The following UBE2D3 variants were observed in gnomAD, a reference collection of about 807,000 sequenced individuals.
The protein encoded by UBE2D3 is ubiquitin conjugating enzyme E2 D3.
A neutral mutation model predicts 22.8 loss-of-function variants in UBE2D3; 2 were observed. The ratio of observed to expected loss-of-function variants is 0.09; its 90% confidence interval spans 0.04 to 0.28. The LOEUF (loss-of-function observed/expected upper bound fraction) is 0.28, where lower values mean the gene tolerates loss of function less well. Among genes scored for constraint, UBE2D3 ranks in the 10% least tolerant of loss-of-function variants. The pLI is 1.00. For missense variants in UBE2D3, 27 were observed against 182.5 expected (o/e 0.15, Z 4.91); for synonymous variants, 56 against 60.4 (o/e 0.93, Z 0.34).
At chr4:102,811,120 C>T (rs1727934038) in intron 2 of UBE2D3, 1 of 152,234 alleles carries the variant, frequency 6.6e-6, no homozygotes, top group African/African-American at 2.4e-5. Flanking sequence ...GAGGCAAAGA[C>T]AGGGATCGCT....
chr4:102,830,845 T>G (rs181726664), upstream of UBE2D3, among the ~76,000 whole-genome samples: 127 of 152,294 alleles, frequency 8.3e-4, no homozygotes, highest in African/African-American at 2.8e-3. Flanking sequence ...AAGCCTGTGA[T>G]GGAGCAAGAC....
chr4:102,853,793 AG>A (rs1732499941), intron 1 of UBE2D3, among the ~76,000 whole-genome samples: 1 of 152,210 alleles, frequency 6.6e-6, no homozygotes, highest in East Asian at 1.9e-4. Context: ...CTATTCAAAA[AG>A]GAAAGAAAAA....
At chr4:102,799,844 G>T (rs1279633942) in intron 6 of UBE2D3, among the ~76,000 whole-genome samples, 1 of 123,310 alleles carries the variant, frequency 8.1e-6, no homozygotes, top group Admixed American at 8.3e-5. Context: ...GGGGGGGGGG[G>T]ACTTTAGCAA....
At chr4:102,816,321 A>T (rs1728774684) in intron 2 of UBE2D3, among the ~76,000 whole-genome samples, 1 of 152,202 alleles carries the variant, frequency 6.6e-6, no homozygotes, top group African/African-American at 2.4e-5. Flanking sequence ...TTCTATAATC[A>T]AGAGCTATAA....
intron 2 of UBE2D3, chr4:102,810,854 G>GT (rs1274075611): frequency 6.6e-6 from 1 of 150,500 alleles, no homozygotes; most frequent in East Asian, 1.9e-4. Flanking sequence ...ATAATCACAA[G>GT]TTAAAAAAAA....
chr4:102,817,140 G>C (rs1728888222), intron 2 of UBE2D3, among the ~76,000 whole-genome samples: 1 of 152,004 alleles, frequency 6.6e-6, no homozygotes, highest in South Asian at 2.1e-4. Flanking sequence ...AAGAACACAG[G>C]GCATAAAAAT....
intron 1 of UBE2D3, among the ~76,000 whole-genome samples, chr4:102,856,640 C>T (rs933084068): frequency 6.6e-6 from 1 of 152,086 alleles, no homozygotes; most frequent in African/African-American, 2.4e-5. Flanking sequence ...AAGTAAAAGG[C>T]CTCATCTACT....
intron 2 of UBE2D3, chr4:102,812,998 A>T (rs551855803): frequency 1.3e-5 from 2 of 152,364 alleles, no homozygotes; most frequent in African/African-American, 2.4e-5. Context: ...TTAGCAAAAC[A>T]GCACTGAGAA....
At chr4:102,814,916 GAAAT>G (rs1333200848) in intron 2 of UBE2D3, among the ~76,000 whole-genome samples, 1 of 151,884 alleles carries the variant, frequency 6.6e-6, no homozygotes. Flanking sequence ...ACCTAATACT[GAAAT>G]AAGAGTTTAA....
chr4:102,851,256 G>C (rs891218377), intron 1 of UBE2D3, among the ~76,000 whole-genome samples: 3 of 152,106 alleles, frequency 2.0e-5, no homozygotes, highest in African/African-American at 7.2e-5. Context: ...GACTTGCTTT[G>C]ACCACAGAAT....
intron 5 of UBE2D3, 120 bp downstream of exon 5, chr4:102,802,441 A>G (rs1726307085): frequency 1.4e-6 from 1 of 707,262 alleles, no homozygotes; most frequent in South Asian, 3.1e-5. Context: ...CAGCATCTAT[A>G]CATGAGTGCA....
chr4:102,821,140 C>G (rs1729541390), intron 2 of UBE2D3, among the ~76,000 whole-genome samples: 1 of 152,152 alleles, frequency 6.6e-6, no homozygotes, highest in Admixed American at 6.5e-5. Flanking sequence ...TGAAATAACA[C>G]TGCTATGGTA....
At chr4:102,807,002 T>C (rs918977258) in intron 4 of UBE2D3, among the ~76,000 whole-genome samples, 3 of 151,950 alleles carry the variant, frequency 2.0e-5, no homozygotes, top group African/African-American at 7.3e-5. Context: ...GCATAACTAA[T>C]GATCTAAAGG....
intron 2 of UBE2D3, among the ~76,000 whole-genome samples, chr4:102,820,989 G>A (rs1349234718): frequency 6.6e-6 from 1 of 152,108 alleles, no homozygotes; most frequent in Non-Finnish European, 1.5e-5. Flanking sequence ...AAAATCAGAT[G>A]TTTCAACAAA....
intron 1 of UBE2D3, among the ~76,000 whole-genome samples, chr4:102,853,198 A>G (rs943732953): frequency 2.8e-4 from 35 of 122,858 alleles, no homozygotes; most frequent in African/African-American, 1.1e-3. Context: ...GCTGGAGTGC[A>G]GTGGCGGGAT....
intron 1 of UBE2D3, among the ~76,000 whole-genome samples, chr4:102,866,828 C>A (rs1390935313): frequency 6.6e-6 from 1 of 152,180 alleles, no homozygotes; most frequent in African/African-American, 2.4e-5. Flanking sequence ...ATGTACCCCA[C>A]TTCCAACCTA....
intron 1 of UBE2D3, among the ~76,000 whole-genome samples, chr4:102,851,526 T>C (rs758527162): frequency 2.6e-5 from 4 of 152,224 alleles, no homozygotes; most frequent in Non-Finnish European, 5.9e-5. Context: ...AGTAGATAAT[T>C]TGTAGGAAAC....
In UBE2D3 at chr4:102,825,707, G is replaced by A. The variant is rs1262085941; in HGVS notation, c.24+778C>T. On this transcript the variant is annotated intron_variant, in intron 2 of 7. Coordinates refer to ENST00000453744, the MANE Select transcript of UBE2D3 (RefSeq NM_181891.3). ...ACAAGGGTGTTATTAAATAGAATGA[G>A]GCAAAAATAGGTACATTAGCTTTCC... The A allele has an allele frequency of 1.2e-5, 7 of 604,808 alleles. No individual in the cohort carries two copies. The Admixed American group carries it at 1.4e-4, about 12-fold the overall frequency. The allele number at this position is 604,808 out of a possible 1,614,324, so 37.5% of individuals were successfully genotyped here. A position where few individuals can be genotyped will look rare whatever the true frequency, so the allele number is the denominator to read the frequency against.
chr4:102,804,858 A>C (rs1365532938), intron 4 of UBE2D3, among the ~76,000 whole-genome samples: 1 of 151,932 alleles, frequency 6.6e-6, no homozygotes, highest in Non-Finnish European at 1.5e-5. Context: ...TTGTCTTTTT[A>C]GTAGAGACGG....
Sources: gnomAD v4.1 joint callset for allele counts (sites outside exome capture counted in the v4.1 genomes callset) on GRCh38, gnomAD v4.1.1 for gene constraint, MANE v1.5 for transcripts, NCBI Gene and HGNC (gene_info 2026-07-23, HGNC 2026-07-21) for gene names.